ARHGAP26: variants seen among roughly 807,000 people sequenced by gnomAD.
ARHGAP26 encodes rho GTPase-activating protein 26.
ARHGAP26 carries 38 observed loss-of-function variants against 104.8 expected under a neutral mutation model. The observed-to-expected ratio is 0.36, with a 90% CI of 0.28 to 0.48. The LOEUF (loss-of-function observed/expected upper bound fraction) is 0.48. Among genes scored for constraint, ARHGAP26 ranks in the 20% least tolerant of loss-of-function variants. ARHGAP26 has a pLI of 0.99. For synonymous variants in ARHGAP26, 341 were observed against 340.0 expected (o/e 1.00, Z -0.03); for missense variants, 704 against 947.9 (o/e 0.74, Z 3.38).
intron 10 of ARHGAP26, among the ~76,000 whole-genome samples, chr5:142,928,992 C>T (rs1764327263): frequency 2.0e-5 from 3 of 152,170 alleles, no homozygotes; most frequent in Admixed American, 1.3e-4. Flanking sequence ...GGCTGGAGTG[C>T]AGTGGCATGA....
At chr5:143,156,786 C>A (rs1475443343) in intron 20 of ARHGAP26, among the ~76,000 whole-genome samples, 2 of 152,184 alleles carry the variant, frequency 1.3e-5, no homozygotes, top group Non-Finnish European at 2.9e-5. Flanking sequence ...CCTTTGGGAT[C>A]AGTCACAGCT....
At chr5:143,075,496 G>A (rs62374605) in intron 17 of ARHGAP26, among the ~76,000 whole-genome samples, 6 of 152,008 alleles carry the variant, frequency 3.9e-5, no homozygotes, top group Admixed American at 6.6e-5. Context: ...TAGTAGGGAC[G>A]TTTGGTTTTT....
intron 1 of ARHGAP26, among the ~76,000 whole-genome samples, chr5:142,872,800 G>A (rs1755506976): frequency 1.3e-5 from 2 of 152,232 alleles, no homozygotes; most frequent in Admixed American, 6.5e-5. Context: ...TGTCAGGCTG[G>A]TGGTCCACTC....
chr5:142,783,411 A>G (rs188862833), intron 1 of ARHGAP26, among the ~76,000 whole-genome samples: 1 of 152,340 alleles, frequency 6.6e-6, no homozygotes, highest in African/African-American at 2.4e-5. Flanking sequence ...GTATTCCCAC[A>G]GTGAGTCTTG....
chr5:142,966,196 TC>T (rs1204012202), intron 11 of ARHGAP26, among the ~76,000 whole-genome samples: 1 of 152,192 alleles, frequency 6.6e-6, no homozygotes, highest in Non-Finnish European at 1.5e-5. Flanking sequence ...ACTCTCCTAA[TC>T]GCATTTATAA....
At chr5:143,030,601 C>CA (rs140811918) in intron 12 of ARHGAP26, among the ~76,000 whole-genome samples, 13,611 of 151,880 alleles carry the variant, frequency 0.09, 1,915 homozygotes, top group African/African-American at 0.3. Flanking sequence ...TATATCATCA[C>CA]AAAAAAAATG....
intron 6 of ARHGAP26, among the ~76,000 whole-genome samples, chr5:142,898,083 G>T (rs1017452166): frequency 1.3e-5 from 2 of 151,980 alleles, no homozygotes; most frequent in African/African-American, 4.8e-5. Flanking sequence ...AGAAACAGTT[G>T]TAGTATTCCC....
intron 11 of ARHGAP26, among the ~76,000 whole-genome samples, chr5:142,962,826 G>C (rs771833102): frequency 6.6e-6 from 1 of 151,892 alleles, no homozygotes; most frequent in Non-Finnish European, 1.5e-5. Context: ...TAAGTTCAGG[G>C]GTACATGTGC....
rs371442249 is a variant in ARHGAP26 at position 143,085,144 on chromosome 5, A to G, written c.1538+27397A>G. Among the ~76,000 whole-genome samples the G allele has an allele frequency of 3.3e-5, 5 of 151,624 alleles. No homozygotes were observed. The East Asian group carries it at 7.7e-4, about 23-fold the overall frequency. ...GCGAATTGTGGTCCCGGCCCCGGAA[A>G]CTCTTGATTCGCTTGTTTTTCTTCC... On this transcript the variant is annotated intron_variant, in intron 17 of 22. Transcript: ENST00000645722.
chr5:142,925,506 GC>G (rs1763782353), intron 10 of ARHGAP26, among the ~76,000 whole-genome samples: 1 of 152,130 alleles, frequency 6.6e-6, no homozygotes. Flanking sequence ...ATTCTATGTG[GC>G]TTTGGCCATA....
intron 10 of ARHGAP26, among the ~76,000 whole-genome samples, chr5:142,918,659 G>A (rs1762822994): frequency 6.6e-6 from 1 of 151,842 alleles, no homozygotes; most frequent in Non-Finnish European, 1.5e-5. Context: ...CTAGTTTTTG[G>A]GGTGGGGGGG....
intron 22 of ARHGAP26, among the ~76,000 whole-genome samples, chr5:143,219,337 T>C (rs1348482052): frequency 2.0e-5 from 3 of 152,354 alleles, no homozygotes; most frequent in African/African-American, 7.2e-5. Context: ...CTTCATAACA[T>C]ATCTAAGTGT....
intron 11 of ARHGAP26, among the ~76,000 whole-genome samples, chr5:142,957,821 GCTCTCTCTTTTT>G (rs2152644886): frequency 6.6e-6 from 1 of 152,304 alleles, no homozygotes; most frequent in Admixed American, 6.5e-5. Flanking sequence ...TGCAAACAGC[GCTCTCTCTTTTT>G]CTCTCTTACC....
intron 6 of ARHGAP26, among the ~76,000 whole-genome samples, chr5:142,900,374 A>C (rs1318330327): frequency 6.6e-6 from 1 of 152,164 alleles, no homozygotes; most frequent in Non-Finnish European, 1.5e-5. Context: ...ATAGTTTTAT[A>C]GCCAGAGGAC....
chr5:143,021,681 A>T (rs571535069), intron 12 of ARHGAP26, among the ~76,000 whole-genome samples: 2 of 152,294 alleles, frequency 1.3e-5, no homozygotes, highest in South Asian at 4.1e-4. Flanking sequence ...CTGCTTCATA[A>T]ACTCATTGTA....
intron 11 of ARHGAP26, among the ~76,000 whole-genome samples, chr5:142,974,263 A>G (rs1772699301): frequency 6.6e-6 from 1 of 151,748 alleles, no homozygotes; most frequent in African/African-American, 2.4e-5. Context: ...TAGCCAGTGA[A>G]ACTTTTCTCG....
At chr5:142,846,278 A>G (rs538899310) in intron 1 of ARHGAP26, among the ~76,000 whole-genome samples, 8 of 152,278 alleles carry the variant, frequency 5.3e-5, no homozygotes, top group Admixed American at 1.3e-4. Context: ...CCAAGGTCAC[A>G]TGGCTGGAGT....
At chr5:143,168,893 TACTA>T (rs1802405442) in intron 20 of ARHGAP26, 2 of 152,362 alleles carry the variant, frequency 1.3e-5, no homozygotes, top group South Asian at 4.1e-4. Flanking sequence ...AGCCTTCACT[TACTA>T]TGCTAAACCT....
Position 142,871,472 on chromosome 5 carries a change from A to ATCT in ARHGAP26, c.155-1928_155-1927insTCT, listed in dbSNP as rs1469135132. Among the ~76,000 whole-genome samples, 4 of 152,314 alleles carry ATCT rather than the reference A, an allele frequency of 2.6e-5. No homozygotes were observed. In the East Asian group the frequency reaches 5.8e-4, roughly 22 times the overall value. ...GGCACAGGATTGTCGGGTGGGTAGA[A>ATCT]AGGCAAACCTGTGTTACTCTTAGTG... On this transcript the variant is annotated intron_variant, in intron 1 of 22. Transcript: ENST00000645722. This position sits in a 1 kb window ranked among gnomAD's most constrained non-coding sequence, Gnocchi z 4.1.
Sources: allele counts gnomAD v4.1 joint callset (sites outside exome capture counted in the v4.1 genomes callset), GRCh38; gene constraint gnomAD v4.1.1; non-coding constraint Gnocchi (gnomAD v3.1); transcripts MANE v1.5; gene names NCBI Gene and HGNC (gene_info 2026-07-23, HGNC 2026-07-21).